MALL: variants seen among roughly 807,000 people sequenced by gnomAD.
The protein encoded by MALL is mal, T cell differentiation protein like.
In MALL, 2 loss-of-function variants were observed where a neutral mutation model predicts 10.3. The ratio of observed to expected loss-of-function variants is 0.19; its 90% confidence interval spans 0.08 to 0.61. The LOEUF (loss-of-function observed/expected upper bound fraction) is 0.61. Among genes scored for constraint, MALL ranks in the 20% least tolerant of loss-of-function variants. The probability of loss-of-function intolerance (pLI) is 0.88; values close to 1 mark genes in which losing one functional copy is unlikely to be tolerated. For synonymous variants in MALL, 27 were observed against 51.8 expected, an observed-to-expected ratio of 0.52 and a Z score of 2.05; for missense variants, 39 against 115.2, an observed-to-expected ratio of 0.34 and a Z score of 3.03.
At chr2:110,113,204 G>A (rs913270565) in intron 1 of MALL, among the ~76,000 whole-genome samples, 7 of 151,462 alleles carry the variant, frequency 4.6e-5, no homozygotes, top group Admixed American at 4.6e-4. Flanking sequence ...TTGGGAGGCC[G>A]AGGCAGGCGG....
chr2:110,107,398 G>C (rs1210648992), intron 1 of MALL, among the ~76,000 whole-genome samples: 2 of 152,026 alleles, frequency 1.3e-5, no homozygotes, highest in Non-Finnish European at 2.9e-5. Context: ...TGGGAGCTGG[G>C]TGAGGCCTGT....
intron 1 of MALL, among the ~76,000 whole-genome samples, chr2:110,102,252 A>G (rs1294304861): frequency 2.6e-5 from 4 of 152,120 alleles, no homozygotes; most frequent in African/African-American, 4.8e-5. Flanking sequence ...TCCCCAGTCT[A>G]TCTATGACTA....
intron 1 of MALL, among the ~76,000 whole-genome samples, chr2:110,111,976 G>A (rs1473200041): frequency 2.0e-5 from 3 of 152,070 alleles, no homozygotes; most frequent in Non-Finnish European, 4.4e-5. Context: ...AAAACATAAT[G>A]TGGGGAAAGG....
chr2:110,112,102 A>T (rs956542569), intron 1 of MALL, among the ~76,000 whole-genome samples: 15 of 152,210 alleles, frequency 9.9e-5, no homozygotes, highest in Non-Finnish European at 2.1e-4. Flanking sequence ...TTAAGGACTT[A>T]AACTTAAGAC....
intron 1 of MALL, among the ~76,000 whole-genome samples, chr2:110,106,849 C>T (rs1036929858): frequency 8.5e-5 from 13 of 152,222 alleles, no homozygotes; most frequent in Admixed American, 3.9e-4. Context: ...AAACAAATGA[C>T]GGCAAAGCCA....
At chr2:110,109,674 G>T (rs1678760816) in intron 1 of MALL, among the ~76,000 whole-genome samples, 1 of 152,096 alleles carries the variant, frequency 6.6e-6, no homozygotes, top group Non-Finnish European at 1.5e-5. Flanking sequence ...AGAAACAATG[G>T]ATTTAAACTA....
intron 1 of MALL, among the ~76,000 whole-genome samples, chr2:110,104,249 G>A (rs966994438): frequency 6.6e-6 from 1 of 152,130 alleles, no homozygotes; most frequent in Non-Finnish European, 1.5e-5. Context: ...TTATTCTCTG[G>A]ATTGTTCAGT....
At chr2:110,095,686 C>G (rs953233987) in intron 1 of MALL, among the ~76,000 whole-genome samples, 10 of 150,142 alleles carry the variant, frequency 6.7e-5, no homozygotes, top group African/African-American at 2.4e-4. Context: ...ATCGCGTCAT[C>G]ATTTAAAAAA....
intron 1 of MALL, chr2:110,097,554 C>G (rs1352218009): frequency 1.3e-5 from 6 of 456,284 alleles, no homozygotes; most frequent in South Asian, 3.1e-5. Flanking sequence ...CTGCAGGGGC[C>G]GGGATCACAC....
chr2:110,113,444 A>G (rs1191592346), intron 1 of MALL, among the ~76,000 whole-genome samples: 3 of 149,918 alleles, frequency 2.0e-5, no homozygotes, highest in Non-Finnish European at 4.5e-5. Flanking sequence ...TCAAAAAAAA[A>G]AAAAAAAAAA....
intron 1 of MALL, among the ~76,000 whole-genome samples, chr2:110,094,905 T>C: frequency 1.2e-5 from 1 of 80,624 alleles, no homozygotes; most frequent in Non-Finnish European, 2.5e-5. Flanking sequence ...AGCTTAGGGA[T>C]CCTTGTCCTA....
chr2:110,109,517 A>G lies in MALL; in HGVS notation c.105+6171T>C, dbSNP rs147629147. On this transcript the variant is annotated intron_variant, in intron 1 of 3. Transcript: ENST00000272462. ...AGAAAAATTTCACAATCCTAAACAT[A>G]CATGCTGCTAACACTGGAGGTCCCA... is the stretch of plus-strand genomic sequence containing the variant. Among the ~76,000 whole-genome samples the G allele has an allele frequency of 2.8e-3, 431 of 152,288 alleles. 2 individuals carry two copies. The highest frequency in any genetic ancestry group is 0.01 in the African/African-American group (423 of 41,572).
upstream of MALL, chr2:110,115,892 G>GT (rs1489866720): frequency 7.2e-5 from 29 of 404,300 alleles, no homozygotes; most frequent in South Asian, 1.4e-4. Flanking sequence ...CGCCTGGGAG[G>GT]GAAAAAAAAA....
intron 1 of MALL, among the ~76,000 whole-genome samples, chr2:110,107,575 C>A (rs1329539627): frequency 6.6e-6 from 1 of 152,126 alleles, no homozygotes; most frequent in East Asian, 1.9e-4. Context: ...CATGCCTAGC[C>A]CTGCCCCTAT....
At chr2:110,117,083 C>T (rs1426876086), upstream of MALL, among the ~76,000 whole-genome samples, 1 of 152,120 alleles carries the variant, frequency 6.6e-6, no homozygotes, top group Non-Finnish European at 1.5e-5. Flanking sequence ...CAATGAACCC[C>T]CCAGTGGATC....
At chr2:110,104,682 A>G (rs1678648799) in intron 1 of MALL, among the ~76,000 whole-genome samples, 1 of 152,120 alleles carries the variant, frequency 6.6e-6, no homozygotes, top group Admixed American at 6.5e-5. Flanking sequence ...TTGTCCTGAC[A>G]CCACCTGGCT....
At chr2:110,099,175 G>T (rs2104383439) in intron 1 of MALL, among the ~76,000 whole-genome samples, 1 of 152,188 alleles carries the variant, frequency 6.6e-6, no homozygotes. Flanking sequence ...TGGGAGTTTG[G>T]TTCTGAACAT....
chr2:110,112,376 C>T (rs1338234835), intron 1 of MALL, among the ~76,000 whole-genome samples: 5 of 151,962 alleles, frequency 3.3e-5, no homozygotes, highest in South Asian at 2.1e-4. Context: ...GGAAGTCAAA[C>T]AAATCAGTAA....
At chr2:110,105,777 G>A (rs737182) in intron 1 of MALL, among the ~76,000 whole-genome samples, 41,901 of 152,008 alleles carry the variant, frequency 0.28, 6,800 homozygotes, top group Non-Finnish European at 0.35. Flanking sequence ...GGCCTAAGAG[G>A]AGCCCTAATT....
Sources: allele counts gnomAD v4.1 joint callset (sites outside exome capture counted in the v4.1 genomes callset), GRCh38; gene constraint gnomAD v4.1.1; transcripts MANE v1.5; gene names NCBI Gene and HGNC (gene_info 2026-07-23, HGNC 2026-07-21).